Variants in IL4R observed in about 807,000 individuals in gnomAD.
IL4R encodes the protein interleukin 4 receptor, also known as interleukin-4 receptor subunit alpha.
In IL4R, 17 loss-of-function variants were observed where a neutral mutation model predicts 41.5. That is an observed-to-expected ratio of 0.41 (90% CI 0.28 to 0.61). IL4R has a LOEUF of 0.61. Among genes scored for constraint, IL4R ranks in the 20% least tolerant of loss-of-function variants. The pLI, the probability that IL4R is intolerant of heterozygous loss-of-function variation, is 0.31. For missense variants in IL4R, 974 were observed against 1,043.1 expected (o/e 0.93, Z 0.91); for synonymous variants, 402 against 422.9 (o/e 0.95, Z 0.61).
intron 1 of IL4R, among the ~76,000 whole-genome samples, chr16:27,319,109 C>G (rs1312550843): frequency 6.6e-6 from 1 of 151,984 alleles, no homozygotes; most frequent in Non-Finnish European, 1.5e-5. Flanking sequence ...AAGAGTGATC[C>G]TGGCAGTGGG....
intron 2 of IL4R, among the ~76,000 whole-genome samples, chr16:27,339,277 T>G (rs2085360549): frequency 6.6e-6 from 1 of 152,160 alleles, no homozygotes; most frequent in African/African-American, 2.4e-5. Context: ...TAGCTGGGAC[T>G]AGAGATGCAC....
At chr16:27,361,703 C>G (rs1426725738) in intron 10 of IL4R, among the ~76,000 whole-genome samples, 2 of 149,658 alleles carry the variant, frequency 1.3e-5, no homozygotes, top group African/African-American at 4.9e-5. Flanking sequence ...CTCGTGGGCT[C>G]AAGTGATTCT....
At chr16:27,340,382 G>A in intron 3 of IL4R, 109 bp downstream of exon 3, 1 of 785,440 alleles carries the variant, frequency 1.3e-6, no homozygotes. Flanking sequence ...GGAGGGGACA[G>A]CCAATGACAA....
At position 27,344,848 on chromosome 16, in the gene IL4R, ACCCAGC is replaced by A; in HGVS notation, c.210-17_210-12del. The A allele has an allele frequency of 6.2e-7, 1 of 1,613,458 alleles. No homozygotes were observed. On this transcript the variant is annotated splice_polypyrimidine_tract_variant and intron_variant, in intron 4 of 10. Coordinates refer to ENST00000395762, the MANE Select transcript of IL4R (RefSeq NM_000418.4). ...AGCCAGCCTACAGGTGACCAGCCTA[ACCCAGC>A]CCCTGTGTCTGCAGAGCCCACACGT...
At chr16:27,336,954 G>A (rs112868083) in intron 2 of IL4R, among the ~76,000 whole-genome samples, 2,543 of 152,144 alleles carry the variant, frequency 0.017, 75 homozygotes, top group African/African-American at 0.057. Flanking sequence ...GCCCATGCCT[G>A]TAATCCCAGC....
At chr16:27,320,002 G>A (rs568053217) in intron 1 of IL4R, among the ~76,000 whole-genome samples, 1 of 152,278 alleles carries the variant, frequency 6.6e-6, no homozygotes, top group African/African-American at 2.4e-5. Flanking sequence ...TGGTGGCTGG[G>A]ATTACAGGCC....
At chr16:27,325,556 A>C (rs1295976448) in intron 1 of IL4R, among the ~76,000 whole-genome samples, 1 of 151,684 alleles carries the variant, frequency 6.6e-6, no homozygotes, top group Non-Finnish European at 1.5e-5. Flanking sequence ...CCTGGACTAC[A>C]CAGTGAGACT....
intron 1 of IL4R, among the ~76,000 whole-genome samples, chr16:27,324,617 A>AT (rs2084903261): frequency 6.6e-6 from 1 of 152,188 alleles, no homozygotes; most frequent in Non-Finnish European, 1.5e-5. Flanking sequence ...GCAAGATAAC[A>AT]GGTTGCAGAA....
intron 3 of IL4R, 103 bp downstream of exon 3, chr16:27,340,376 G>A: frequency 2.4e-6 from 2 of 822,750 alleles, no homozygotes. Flanking sequence ...GCAGTGGGAG[G>A]GGACAGCCAA....
At chr16:27,358,557 C>T (rs2086175184) in intron 8 of IL4R, among the ~76,000 whole-genome samples, 1 of 152,194 alleles carries the variant, frequency 6.6e-6, no homozygotes, top group Non-Finnish European at 1.5e-5. Flanking sequence ...AACCTAGAAT[C>T]CTCTCTCTGC....
chr16:27,348,254 G>A (rs3024584), intron 6 of IL4R, among the ~76,000 whole-genome samples: 2,755 of 152,236 alleles, frequency 0.018, 74 homozygotes, highest in African/African-American at 0.062. Flanking sequence ...CTCAGAAAGC[G>A]GGGGGCATGG....
Position 27,362,830 on chromosome 16 carries a change from G to A in IL4R, c.1478G>A (p.Gly493Asp). ...TCTETPLVIA[G>D]NPAYRSFSNS... ...ACAGAGACGCCCCTCGTCATCGCAG[G>A]CAACCCTGCTTACCGCAGCTTCAGC... The change falls in exon 11 of 11, where the codon GGC (glycine) becomes GAC (aspartate). Residue 493 changes from glycine to aspartate, a missense_variant. Gly to Asp is a moderately conservative substitution (Grantham distance 94, BLOSUM62 -1). Coordinates refer to ENST00000395762, the MANE Select transcript of IL4R (RefSeq NM_000418.4). The A allele has an allele frequency of 6.2e-7, 1 of 1,614,080 alleles. No individual in the cohort carries two copies. Among genetic ancestry groups the A allele is most frequent in the African/African-American group, 1.3e-5 (1 of 75,026 alleles).
intron 4 of IL4R, among the ~76,000 whole-genome samples, chr16:27,343,834 T>C (rs551771571): frequency 1.3e-5 from 2 of 152,234 alleles, no homozygotes; most frequent in South Asian, 4.1e-4. Flanking sequence ...CATTATTCCA[T>C]GTACCATGGA....
Position 27,352,617 on chromosome 16 carries a change from C to T in IL4R, c.591C>T (p.Tyr197=), listed in dbSNP as rs774524415. The change falls in exon 7 of 11, where the codon TAC becomes TAT. Residue 197 remains tyrosine (Y), a synonymous_variant. Coordinates refer to ENST00000395762, the MANE Select transcript of IL4R (RefSeq NM_000418.4). ...AASTLKSGIS[Y]RARVRAWAQC... ...GCACCCTGAAGTCTGGGATTTCCTA[C>T]AGGGCACGGGTGAGGGCCTGGGCTC... 3.7e-6 allele frequency: 6 copies of T among 1,614,190 alleles called. No homozygotes were observed. Among genetic ancestry groups the T allele is most frequent in the Admixed American group, 3.3e-5 (2 of 60,022 alleles).
chr16:27,328,597 T>A (rs1161903730), intron 1 of IL4R, among the ~76,000 whole-genome samples: 1 of 152,214 alleles, frequency 6.6e-6, no homozygotes, highest in East Asian at 1.9e-4. Flanking sequence ...GTACACATGC[T>A]ATGCCTGTGT....
intron 2 of IL4R, among the ~76,000 whole-genome samples, chr16:27,338,719 C>A (rs185265383): frequency 1.9e-3 from 286 of 152,158 alleles, no homozygotes; most frequent in African/African-American, 6.5e-3. Flanking sequence ...AGTGTGTTTG[C>A]CCCTTCTGTC....
chr16:27,363,286 C>T lies in IL4R; in HGVS notation c.1934C>T (p.Pro645Leu), dbSNP rs777988747. 8.7e-6 allele frequency: 14 copies of T among 1,604,556 alleles called. No homozygotes were observed. In the South Asian group the frequency reaches 1.6e-4, roughly 18 times the overall value. ...QDLIPGCPGD[P>L]APVPVPLFTF... is the part of the protein sequence containing the mutation. ...CTCATTCCTGGCTGCCCTGGGGACC[C>T]TGCCCCAGTCCCTGTCCCCTTGTTC... is the stretch of plus-strand genomic sequence containing the variant. The change falls in exon 11 of 11, where the codon CCT (proline) becomes CTT (leucine). Residue 645 changes from proline to leucine, a missense_variant. Around this residue, in one of 3 missense-constraint regions of IL4R, gnomAD observed 682 missense variants for 704.3 expected, o/e 0.97. Transcript: ENST00000395762.
Position 27,360,815 on chromosome 16 carries a change from C to T in IL4R, c.899C>T (p.Pro300Leu), listed in dbSNP as rs753969425. 7.4e-6 allele frequency: 12 copies of T among 1,614,074 alleles called. No individual in the cohort carries two copies. Among genetic ancestry groups the T allele is most frequent in the Admixed American group, 3.3e-5 (2 of 60,004 alleles). ...CGAGGCCAGGAACCAGCCAAGTGCC[C>T]GTATGTATCTGAACTTAGGTCACAG... ...RSRGQEPAKC[P>L]HWKNCLTKLL... The change falls in exon 10 of 11, where the codon CCA becomes CTA. Residue 300 changes from proline (P) to leucine (L), a missense_variant and splice_region_variant. Transcript: ENST00000395762.
chr16:27,357,243 C>G (rs928499090), intron 8 of IL4R, among the ~76,000 whole-genome samples: 6 of 152,136 alleles, frequency 3.9e-5, no homozygotes, highest in South Asian at 2.1e-4. Context: ...TATATCCCAG[C>G]ATGCCAGCCT....
Sources: gnomAD v4.1 joint callset for allele counts (sites outside exome capture counted in the v4.1 genomes callset) on GRCh38, gnomAD v4.1.1 for gene constraint, gnomAD v4.1.1 regional missense constraint, MANE v1.5 for transcripts, NCBI Gene and HGNC (gene_info 2026-07-23, HGNC 2026-07-21) for gene names.